KRT71: variants seen among roughly 807,000 people sequenced by gnomAD.
KRT71 encodes keratin 71, also known as keratin, type II cytoskeletal 71.
Under a neutral mutation model 46.2 loss-of-function variants are expected in KRT71, and 42 were observed. The ratio of observed to expected loss-of-function variants is 0.91; its 90% CI spans 0.71 to 1.18. The LOEUF is 1.18. Among genes scored for constraint, KRT71 ranks in the 50% most tolerant of loss-of-function variants. The pLI, the probability that KRT71 is intolerant of heterozygous loss-of-function variation, is 0.00. For synonymous variants in KRT71, 292 were observed against 277.8 expected, an observed-to-expected ratio of 1.05 and a Z score of -0.51; for missense variants, 708 against 677.9, an observed-to-expected ratio of 1.04 and a Z score of -0.49.
chr12:52,546,612 C>G, intron 6 of KRT71, 106 bp from the exon 7 acceptor site: 4 of 1,043,508 alleles, frequency 3.8e-6, no homozygotes, highest in Non-Finnish European at 4.1e-6. Flanking sequence ...CCGCCTCCAC[C>G]CTACACACAC....
At chr12:52,549,588 G>A (rs983711118) in intron 2 of KRT71, among the ~76,000 whole-genome samples, 1 of 152,196 alleles carries the variant, frequency 6.6e-6, no homozygotes, top group African/African-American at 2.4e-5. Context: ...AGCACATGGA[G>A]CGAATGCCCT....
chr12:52,544,422 T>G lies in KRT71; in HGVS notation c.*110A>C. On this transcript the variant is annotated 3_prime_UTR_variant, in exon 9 of 9. Transcript: ENST00000267119. ...GTGGCCAAGGCCAGTGCCAGGTGTA[T>G]GGGAGCAGGACCAGCAGGGTGGAGA... 9.8e-7 allele frequency: 1 copy of G among 1,022,020 alleles called. No individual in the cohort carries two copies. The highest frequency in any genetic ancestry group is 1.5e-6 in the Non-Finnish European group (1 of 657,240). The allele number at this position is 1,022,020 out of a possible 1,614,324, so 63.3% of individuals were successfully genotyped here.
chr12:52,550,475 A>G (rs1180424330), intron 1 of KRT71, among the ~76,000 whole-genome samples: 2 of 152,170 alleles, frequency 1.3e-5, no homozygotes, highest in East Asian at 3.9e-4. Context: ...ATCTAGACAC[A>G]TGTCCCTGTA....
intron 8 of KRT71, 124 bp from the exon 9 acceptor site, chr12:52,544,867 C>A: frequency 1.3e-6 from 1 of 762,456 alleles, no homozygotes. Context: ...GCTCCCTCTC[C>A]CTGGGGAGAA....
intron 3 of KRT71, 30 bp downstream of exon 3, chr12:52,549,263 C>T (rs1939117661): frequency 1.3e-6 from 2 of 1,591,274 alleles, no homozygotes; most frequent in Non-Finnish European, 1.7e-6. Flanking sequence ...CAGGCCAGCC[C>T]CCGGGACTCA....
chr12:52,552,192 T>G (rs1939183173), intron 1 of KRT71, among the ~76,000 whole-genome samples: 1 of 152,204 alleles, frequency 6.6e-6, no homozygotes, highest in East Asian at 1.9e-4. Context: ...CTGGAGCAAA[T>G]GCCCAATCAG....
At chr12:52,551,004 A>G (rs1939159356) in intron 1 of KRT71, among the ~76,000 whole-genome samples, 1 of 152,236 alleles carries the variant, frequency 6.6e-6, no homozygotes, top group Non-Finnish European at 1.5e-5. Context: ...TGGGAAAACT[A>G]TCTAAGATTC....
chr12:52,549,429 G>C, intron 2 of KRT71, 76 bp from the exon 3 acceptor site: 1 of 1,212,588 alleles, frequency 8.2e-7, no homozygotes, highest in Non-Finnish European at 1.2e-6. Flanking sequence ...GTTGAGCAAG[G>C]AGCAGCGTGT....
rs1026737457 is a variant in KRT71, at chr12:52,552,734, A to G, written c.344T>C (p.Leu115Pro). The change falls in exon 1 of 9, where the codon CTC becomes CCC. Residue 115 changes from leucine (L) to proline (P), a missense_variant. Transcript: ENST00000267119. Reference protein sequence around the residue: ...VTVNESLLAPLNVELDPEIQK... With the variant: ...VTVNESLLAPPNVELDPEIQK... ...GATCTCGGGGTCCAGCTCCACGTTG[A>G]GGGGGGCCAGGAGGCTCTCATTGAC... The G allele has an allele frequency of 6.2e-7, 1 of 1,614,020 alleles. No individual in the cohort carries two copies. Among genetic ancestry groups the G allele is most frequent in the East Asian group, 2.2e-5 (1 of 44,874 alleles).
Position 52,550,210 on chromosome 12 carries a change from C to G in KRT71, c.475G>C (p.Glu159Gln). Reference sequence around the variant, plus strand: ...TGCTGCAGCAGCTCCCACTTGGTCTCCAGTACCTGGTTCTGCTGCTCCAGG... The same window carrying G: ...TGCTGCAGCAGCTCCCACTTGGTCTGCAGTACCTGGTTCTGCTGCTCCAGG... Reference protein sequence around the residue: ...RFLEQQNQVLETKWELLQQLD... With the variant: ...RFLEQQNQVLQTKWELLQQLD... Residue 159 changes from glutamate (E) to glutamine (Q), a missense_variant, in exon 2 of 9, where the codon GAG becomes CAG. Coordinates refer to ENST00000267119, the MANE Select transcript of KRT71 (RefSeq NM_033448.3). 1 of 1,614,200 alleles carries G rather than the reference C, an allele frequency of 6.2e-7. No homozygotes were observed. The highest frequency in any genetic ancestry group is 8.5e-7 in the Non-Finnish European group (1 of 1,180,032).
At position 52,547,928 on chromosome 12, in the gene KRT71, T is replaced by C. The variant is rs778885932; in HGVS notation, c.1033A>G (p.Lys345Glu). ...CGAGTGAGCTCCGAGATTTCATTCT[T>C]GGTGTTTTTGAGGTCGTCCCCATGC... ...GRHGDDLKNT[K>E]NEISELTRLI... The change falls in exon 6 of 9, where the codon AAG (lysine) becomes GAG (glutamate). Residue 345 changes from lysine to glutamate, a missense_variant. Physicochemically the swap from Lys to Glu is moderately conservative, Grantham distance 56. Coordinates refer to ENST00000267119, the MANE Select transcript of KRT71 (RefSeq NM_033448.3). The C allele has an allele frequency of 2.5e-6, 4 of 1,614,104 alleles. No homozygotes were observed. The African/African-American group carries it at 4.0e-5, about 16-fold the overall frequency.
At position 52,551,507 on chromosome 12, in the gene KRT71, C is replaced by T. The variant is rs1044028292; in HGVS notation, c.441+1130G>A. Reference sequence around the variant, plus strand: ...AAGAATAAGAAGCCGCAGAGCCAGTCCTAGCCCCTGAGGCTGAGCCGAGGG... The same window carrying T: ...AAGAATAAGAAGCCGCAGAGCCAGTTCTAGCCCCTGAGGCTGAGCCGAGGG... On this transcript the variant is annotated intron_variant, in intron 1 of 8. Coordinates refer to ENST00000267119, the MANE Select transcript of KRT71 (RefSeq NM_033448.3). 2.6e-5 allele frequency among the ~76,000 whole-genome samples: 4 copies of T among 152,238 alleles called. No individual in the cohort carries two copies. In the East Asian group the frequency reaches 7.7e-4, roughly 29 times the overall value.
At position 52,544,684 on chromosome 12, in the gene KRT71, C is replaced by A. The variant is rs149479435; in HGVS notation, c.1420G>T (p.Gly474Cys). The A allele has an allele frequency of 3.1e-6, 5 of 1,613,642 alleles. No individual in the cohort carries two copies. The highest frequency in any genetic ancestry group is 4.2e-6 in the Non-Finnish European group (5 of 1,180,004). The change falls in exon 9 of 9, where the codon GGT (glycine) becomes TGT (cysteine). Residue 474 changes from glycine (G) to cysteine (C), a missense_variant. By Grantham distance (159) the Gly-to-Cys change is radical. Coordinates refer to ENST00000267119, the MANE Select transcript of KRT71 (RefSeq NM_033448.3). ...VYGFRPSMVS[G>C]GYVANSSNCI... ...TTGCTGCTGTTGGCCACATAGCCACCGCTGACCATGCTGGGCCGGAAGCCA... is the reference window on the plus strand; with the variant it reads ...TTGCTGCTGTTGGCCACATAGCCACAGCTGACCATGCTGGGCCGGAAGCCA...
At chr12:52,545,844 G>A (rs1248562677) in intron 7 of KRT71, among the ~76,000 whole-genome samples, 2 of 152,102 alleles carry the variant, frequency 1.3e-5, no homozygotes, top group African/African-American at 2.4e-5. Context: ...TAGGGGCAGT[G>A]TATCTACCTC....
intron 6 of KRT71, among the ~76,000 whole-genome samples, 191 bp from the exon 7 acceptor site, chr12:52,546,697 T>A (rs1389396722): frequency 6.6e-6 from 1 of 152,240 alleles, no homozygotes; most frequent in Non-Finnish European, 1.5e-5. Context: ...ATTCCCTGTG[T>A]TGGATGTGTG....
chr12:52,548,070 C>T (rs1939088714), intron 5 of KRT71, 82 bp downstream of exon 5: 1 of 1,600,062 alleles, frequency 6.2e-7, no homozygotes, highest in African/African-American at 1.3e-5. Context: ...TACTGGGACA[C>T]TGCTTCTATT....
chr12:52,550,305 A>AG, intron 1 of KRT71, 62 bp from the exon 2 acceptor site: 1 of 1,588,238 alleles, frequency 6.3e-7, no homozygotes, highest in Non-Finnish European at 8.6e-7. Context: ...TGTCTCTCAC[A>AG]GGGCATTGTG....
chr12:52,548,758 C>G lies in KRT71; in HGVS notation c.756G>C (p.Gln252His), dbSNP rs760039375. 6.2e-7 allele frequency: 1 copy of G among 1,614,128 alleles called. No individual in the cohort carries two copies. Among genetic ancestry groups the G allele is most frequent in the Non-Finnish European group, 8.5e-7 (1 of 1,180,052 alleles). ...DAAYANKVEL[Q>H]AKVESMDQEI... ...CCTGGTCCATGGATTCCACCTTGGC[C>G]TGCAGTTCCACCTTATTGGCGTAAG... Residue 252 changes from glutamine (Q) to histidine (H), a missense_variant, in exon 4 of 9, where the codon CAG becomes CAC. Coordinates refer to ENST00000267119, the MANE Select transcript of KRT71 (RefSeq NM_033448.3).
chr12:52,548,574 G>T, intron 4 of KRT71, 127 bp downstream of exon 4: 1 of 872,352 alleles, frequency 1.1e-6, no homozygotes, highest in Non-Finnish European at 1.8e-6. Flanking sequence ...CAAGTCTGAT[G>T]CGGGAGATGG....
Sources: gnomAD v4.1 joint callset for allele counts (sites outside exome capture counted in the v4.1 genomes callset) on GRCh38, gnomAD v4.1.1 for gene constraint, MANE v1.5 for transcripts, NCBI Gene and HGNC (gene_info 2026-07-23, HGNC 2026-07-21) for gene names.